Variants in LTA observed in about 807,000 individuals in gnomAD.
LTA encodes the protein lymphotoxin-alpha.
LTA carries 6 observed loss-of-function variants against 15.1 expected under a neutral mutation model. The observed-to-expected ratio is 0.40, with a 90% CI of 0.22 to 0.78. The LOEUF (loss-of-function observed/expected upper bound fraction) is 0.78, where lower values mean the gene tolerates loss of function less well. Ranked by LOEUF, LTA falls within the 30% of genes least tolerant of loss-of-function variation. The probability of loss-of-function intolerance (pLI) is 0.38; values close to 1 mark genes in which losing one functional copy is unlikely to be tolerated. For synonymous variants in LTA, 87 were observed against 107.3 expected (o/e 0.81, Z 1.17); for missense variants, 173 against 249.5 (o/e 0.69, Z 2.06).
upstream of LTA, among the ~76,000 whole-genome samples, chr6:31,571,172 A>C (rs2150382995): frequency 3.3e-5 from 5 of 150,850 alleles, 1 homozygote; most frequent in South Asian, 1.0e-3. Context: ...ATAATTCTCC[A>C]GCCTCAGCCT....
At position 31,572,739 on chromosome 6, in the gene LTA, C is replaced by T. The variant is rs780511780; in HGVS notation, c.-4C>T. 4 of 1,603,846 alleles carry T rather than the reference C, an allele frequency of 2.5e-6. No individual in the cohort carries two copies. Among genetic ancestry groups the T allele is most frequent in the Non-Finnish European group, 1.7e-6 (2 of 1,176,050 alleles). Reference sequence around the variant, plus strand: ...CTCTCTCTCTTTCTCTGCAGGTTCTCCCCATGACACCACCTGAACGTCTCT... The same window carrying T: ...CTCTCTCTCTTTCTCTGCAGGTTCTTCCCATGACACCACCTGAACGTCTCT... On this transcript the variant is annotated 5_prime_UTR_variant, in exon 2 of 4. Coordinates refer to ENST00000418386, the MANE Select transcript of LTA (RefSeq NM_000595.4).
chr6:31,567,959 T>C (rs1415181624), upstream of LTA, among the ~76,000 whole-genome samples: 1 of 152,172 alleles, frequency 6.6e-6, no homozygotes, highest in African/African-American at 2.4e-5. Flanking sequence ...CTGGTCACTA[T>C]TTTTTGTCAT....
chr6:31,572,222 G>C (rs36221306), upstream of LTA: 1 of 175,150 alleles, frequency 5.7e-6, no homozygotes, highest in Non-Finnish European at 1.2e-5. Context: ...CCTAGAACCC[G>C]CCCGCTGCCT....
chr6:31,573,823 G>T lies in LTA; in HGVS notation c.*130G>T. 2 of 1,089,840 alleles carry T rather than the reference G, an allele frequency of 1.8e-6. No homozygotes were observed. The highest frequency in any genetic ancestry group is 2.7e-6 in the Non-Finnish European group (2 of 728,988). 67.5% of individuals were successfully genotyped at this position (1,089,840 alleles called of 1,614,324 possible). A position where few individuals can be genotyped will look rare whatever the true frequency, so the allele number is the denominator to read the frequency against. ...CATTCCAACAGCTCAAGTCTTCCCT[G>T]ATCAAGTCACCGGAGCTTTCAAAGA... On this transcript the variant is annotated 3_prime_UTR_variant, in exon 4 of 4. Coordinates refer to ENST00000418386, the MANE Select transcript of LTA (RefSeq NM_000595.4).
At chr6:31,567,237 G>C (rs2150380146), upstream of LTA, among the ~76,000 whole-genome samples, 1 of 152,022 alleles carries the variant, frequency 6.6e-6, no homozygotes, top group Admixed American at 6.5e-5. Context: ...AGAGGTTGCA[G>C]TGAGATGAGA....
At chr6:31,563,032 C>T in the LTA span, among the ~76,000 whole-genome samples, 2 of 151,262 alleles carry the variant, frequency 1.3e-5, no homozygotes, top group Non-Finnish European at 2.9e-5. Flanking sequence ...TGGTGGCACA[C>T]GCCTGTAACC....
Position 31,573,366 on chromosome 6 carries a change from T to C in LTA, c.291T>C (p.Asn97=). ...FLQDGFSLSN[N]SLLVPTSGIY... ...AGGATGGTTTCTCCTTGAGCAACAA[T>C]TCTCTCCTGGTCCCCACCAGTGGCA... Residue 97 remains asparagine (N), a synonymous_variant, in exon 4 of 4, where the codon AAT becomes AAC. Transcript: ENST00000418386. 1.2e-6 allele frequency: 2 copies of C among 1,613,908 alleles called. No homozygotes were observed. Among genetic ancestry groups the C allele is most frequent in the Non-Finnish European group, 1.7e-6 (2 of 1,179,956 alleles).
chr6:31,561,616 G>A, the LTA span, among the ~76,000 whole-genome samples: 1 of 151,972 alleles, frequency 6.6e-6, no homozygotes, highest in African/African-American at 2.4e-5. Flanking sequence ...ACTTGAACCC[G>A]GGAGGCAGAG....
At chr6:31,567,576 A>T (rs1381257783), upstream of LTA, among the ~76,000 whole-genome samples, 1 of 116,612 alleles carries the variant, frequency 8.6e-6, no homozygotes, top group African/African-American at 3.7e-5. Context: ...AGAAAAAAAA[A>T]TCCAATCACC....
chr6:31,560,913 G>A, the LTA span, among the ~76,000 whole-genome samples: 6,525 of 152,206 alleles, frequency 0.043, 246 homozygotes, highest in South Asian at 0.16. Context: ...CCCATACCTA[G>A]TTAACTGATT....
chr6:31,566,956 A>G, the LTA span, among the ~76,000 whole-genome samples: 1 of 151,134 alleles, frequency 6.6e-6, no homozygotes. Context: ...AAAGAAAGAA[A>G]AAAAATCCAG....
At chr6:31,573,175 T>C (rs1583042085) in intron 3 of LTA, 106 bp from the exon 4 acceptor site, 1 of 932,098 alleles carries the variant, frequency 1.1e-6, no homozygotes. Context: ...TGCCTCCCCC[T>C]GCCATCCCCC....
upstream of LTA, among the ~76,000 whole-genome samples, chr6:31,568,394 G>A (rs1357242525): frequency 6.6e-6 from 1 of 152,150 alleles, no homozygotes; most frequent in African/African-American, 2.4e-5. The surrounding 1 kb of genome is among the most constrained non-coding windows in gnomAD (Gnocchi z 4.1). Context: ...GTTGGGTTGG[G>A]GTAGAGGAGA....
chr6:31,565,477 G>A, the LTA span, among the ~76,000 whole-genome samples: 1 of 152,064 alleles, frequency 6.6e-6, no homozygotes, highest in African/African-American at 2.4e-5. Flanking sequence ...CCTCAAAGGG[G>A]TCTTATAGGG....
chr6:31,573,198 G>C (rs1386891010), intron 3 of LTA, 83 bp from the exon 4 acceptor site: 12 of 1,419,224 alleles, frequency 8.5e-6, no homozygotes, highest in Non-Finnish European at 1.2e-5. Flanking sequence ...GAACTCAGTT[G>C]TTCAGTGCCC....
rs1291908140 is a variant in LTA at position 31,573,721 on chromosome 6, T to C, written c.*28T>C. The C allele has an allele frequency of 1.2e-6, 2 of 1,612,226 alleles. No individual in the cohort carries two copies. Among genetic ancestry groups the C allele is most frequent in the East Asian group, 2.2e-5 (1 of 44,898 alleles). On this transcript the variant is annotated 3_prime_UTR_variant, in exon 4 of 4. Transcript: ENST00000418386. ...CTTGGAAAAATCCAGAAAGAAAAAA[T>C]AATTGATTTCAAGACCTTCTCCCCA... is the stretch of plus-strand genomic sequence containing the variant.
the LTA span, among the ~76,000 whole-genome samples, chr6:31,563,661 G>A: frequency 1.3e-5 from 2 of 152,334 alleles, no homozygotes; most frequent in East Asian, 1.9e-4. Flanking sequence ...AGGCTGGAGT[G>A]CAATGGCTCA....
upstream of LTA, among the ~76,000 whole-genome samples, chr6:31,570,598 T>C (rs187695721): frequency 1.6e-4 from 25 of 152,360 alleles, no homozygotes; most frequent in Admixed American, 1.4e-3. Flanking sequence ...TGGGCTCATG[T>C]ATGAGAATGT....
At chr6:31,568,266 G>A (rs1770679141), upstream of LTA, among the ~76,000 whole-genome samples, 1 of 152,174 alleles carries the variant, frequency 6.6e-6, no homozygotes, top group South Asian at 2.1e-4. This position sits in a 1 kb window ranked among gnomAD's most constrained non-coding sequence, Gnocchi z 4.1. Flanking sequence ...AATTCATAAA[G>A]CAGGATAAAG....
Sources: gnomAD v4.1 joint callset for allele counts (sites outside exome capture counted in the v4.1 genomes callset) on GRCh38, gnomAD v4.1.1 for gene constraint, Gnocchi (gnomAD v3.1) non-coding constraint, MANE v1.5 for transcripts, NCBI Gene and HGNC (gene_info 2026-07-23, HGNC 2026-07-21) for gene names.